Variants in PPP3CA observed in about 807,000 individuals in gnomAD.
PPP3CA encodes the protein CAM-PRP catalytic subunit.
PPP3CA carries 14 observed loss-of-function variants against 66.5 expected under a neutral mutation model. The observed-to-expected ratio is 0.21, with a 90% CI of 0.14 to 0.33. The LOEUF (loss-of-function observed/expected upper bound fraction) is 0.33, where lower values mean the gene tolerates loss of function less well. PPP3CA is among the 10% of genes least tolerant of loss of function. The probability of loss-of-function intolerance (pLI) is 1.00; values close to 1 mark genes in which losing one functional copy is unlikely to be tolerated. For missense variants in PPP3CA, 317 were observed against 639.5 expected, an observed-to-expected ratio of 0.50 and a Z score of 5.44; for synonymous variants, 232 against 226.2, an observed-to-expected ratio of 1.03 and a Z score of -0.23.
chr4:101,342,450 C>A (rs1578205879), intron 1 of PPP3CA, among the ~76,000 whole-genome samples: 1 of 152,026 alleles, frequency 6.6e-6, no homozygotes, highest in Non-Finnish European at 1.5e-5. Flanking sequence ...AATAAATAGA[C>A]CAACCTAACT....
intron 1 of PPP3CA, among the ~76,000 whole-genome samples, chr4:101,214,275 T>C (rs1463742363): frequency 6.8e-6 from 1 of 145,994 alleles, no homozygotes; most frequent in Non-Finnish European, 1.5e-5. Context: ...TATTTAATCC[T>C]ACTATGCCTG....
At chr4:101,131,911 C>T (rs1202333541) in intron 2 of PPP3CA, among the ~76,000 whole-genome samples, 1 of 152,178 alleles carries the variant, frequency 6.6e-6, no homozygotes, top group Non-Finnish European at 1.5e-5. Flanking sequence ...GTCTCTCAGA[C>T]CACAGTGCAA....
chr4:101,145,128 C>T (rs777256774), intron 2 of PPP3CA, among the ~76,000 whole-genome samples: 20 of 151,980 alleles, frequency 1.3e-4, no homozygotes, highest in East Asian at 5.8e-4. Context: ...GAAAACACTG[C>T]TCTATATATA....
At chr4:101,220,019 C>T (rs772851347) in intron 1 of PPP3CA, among the ~76,000 whole-genome samples, 17 of 151,862 alleles carry the variant, frequency 1.1e-4, no homozygotes, top group Middle Eastern at 3.4e-3. Context: ...GTTTCTTGCA[C>T]GCCATGTCAT....
intron 12 of PPP3CA, 69 bp from the exon 13 acceptor site, chr4:101,029,264 A>AAATC (rs1438199701): frequency 9.1e-6 from 13 of 1,424,164 alleles, no homozygotes; most frequent in Admixed American, 1.7e-5. Flanking sequence ...CTCTAAGAAC[A>AAATC]AATCAGTGAC....
intron 1 of PPP3CA, among the ~76,000 whole-genome samples, chr4:101,272,048 A>AT (rs1727353329): frequency 6.6e-6 from 1 of 152,158 alleles, no homozygotes; most frequent in African/African-American, 2.4e-5. Flanking sequence ...ACTTAGGCCT[A>AT]ATTTGCTTCA....
intron 2 of PPP3CA, among the ~76,000 whole-genome samples, chr4:101,133,537 T>C (rs1018084688): frequency 2.0e-5 from 3 of 151,964 alleles, no homozygotes; most frequent in African/African-American, 7.2e-5. Context: ...CCAACTTATA[T>C]GGGATGTGAA....
In PPP3CA at chr4:101,025,810, C is replaced by A. The variant is rs1726610933; in HGVS notation, c.*55G>T. 1.5e-6 allele frequency: 2 copies of A among 1,332,730 alleles called. No homozygotes were observed. Among genetic ancestry groups the A allele is most frequent in the East Asian group, 2.4e-5 (1 of 41,350 alleles). The allele number at this position is 1,332,730 out of a possible 1,614,324, so 82.6% of individuals were successfully genotyped here. On this transcript the variant is annotated 3_prime_UTR_variant, in exon 14 of 14. Coordinates refer to ENST00000394854, the MANE Select transcript of PPP3CA (RefSeq NM_000944.5). ...CTGATATGCAGCAATCCCCATCATGCCCCGCAGCTCAAAAAAAAAAAAAAA... is the reference window on the plus strand; with the variant it reads ...CTGATATGCAGCAATCCCCATCATGACCCGCAGCTCAAAAAAAAAAAAAAA...
At chr4:101,288,858 A>G (rs1727928136) in intron 1 of PPP3CA, among the ~76,000 whole-genome samples, 3 of 152,120 alleles carry the variant, frequency 2.0e-5, no homozygotes, top group Non-Finnish European at 4.4e-5. Context: ...AAACACACAC[A>G]CACATATACA....
At chr4:101,202,649 G>T (rs183612360) in intron 1 of PPP3CA, among the ~76,000 whole-genome samples, 96 of 152,286 alleles carry the variant, frequency 6.3e-4, no homozygotes, top group Admixed American at 3.3e-4. Context: ...GTGTTTGAAA[G>T]TCTTTCACTT....
intron 1 of PPP3CA, among the ~76,000 whole-genome samples, chr4:101,238,928 T>C (rs1726213383): frequency 6.6e-6 from 1 of 152,120 alleles, no homozygotes; most frequent in Admixed American, 6.6e-5. Context: ...ATCAAAAATC[T>C]AATGTAACCA....
chr4:101,290,421 C>T (rs1578634397), intron 1 of PPP3CA, among the ~76,000 whole-genome samples: 1 of 152,178 alleles, frequency 6.6e-6, no homozygotes, highest in Non-Finnish European at 1.5e-5. Flanking sequence ...TTTAACAACA[C>T]TTATCAGTAA....
chr4:101,282,383 A>T (rs1727713566), intron 1 of PPP3CA, among the ~76,000 whole-genome samples: 1 of 152,220 alleles, frequency 6.6e-6, no homozygotes, highest in South Asian at 2.1e-4. Flanking sequence ...CATGTTAGAT[A>T]CAGGTCCAGA....
intron 3 of PPP3CA, 85 bp downstream of exon 3, chr4:101,108,869 A>T (rs768064867): frequency 6.7e-6 from 9 of 1,334,270 alleles, no homozygotes; most frequent in Non-Finnish European, 9.4e-6. Flanking sequence ...AGGTTTCCAT[A>T]AGGCAATAAC....
At chr4:101,026,171 TCAGTGAAGAA>T in intron 13 of PPP3CA, 110 bp from the exon 14 acceptor site, 1 of 890,744 alleles carries the variant, frequency 1.1e-6, no homozygotes, top group South Asian at 1.8e-5. Flanking sequence ...AGGGAATCCT[TCAGTGAAGAA>T]CAAAGTGACG....
chr4:101,130,256 A>C (rs1408653600), intron 2 of PPP3CA, among the ~76,000 whole-genome samples: 1 of 152,198 alleles, frequency 6.6e-6, no homozygotes, highest in Non-Finnish European at 1.5e-5. Flanking sequence ...CAATGTGAAA[A>C]GACCAAACCT....
At chr4:101,306,697 C>T (rs1339934423) in intron 1 of PPP3CA, among the ~76,000 whole-genome samples, 2 of 152,184 alleles carry the variant, frequency 1.3e-5, no homozygotes, top group African/African-American at 2.4e-5. Context: ...AGATTTCATT[C>T]TCTTTGCTCT....
intron 1 of PPP3CA, among the ~76,000 whole-genome samples, chr4:101,205,475 T>A (rs139808415): frequency 1.3e-5 from 2 of 152,144 alleles, no homozygotes; most frequent in Non-Finnish European, 1.5e-5. Flanking sequence ...AGTTCTTTAA[T>A]CACTATAAAT....
In PPP3CA at chr4:101,205,354, G is replaced by A. The variant is rs1725097950; in HGVS notation, c.59-9238C>T. Among the ~76,000 whole-genome samples the A allele has an allele frequency of 2.0e-5, 3 of 152,060 alleles. No homozygotes were observed. In the South Asian group the frequency reaches 6.2e-4, roughly 32 times the overall value. Reference sequence around the variant, plus strand: ...TATTTATTTATAATTAAGCTCTGGGGTACATGAATCCAGGTACATTTTACC... The same window carrying A: ...TATTTATTTATAATTAAGCTCTGGGATACATGAATCCAGGTACATTTTACC... On this transcript the variant is annotated intron_variant, in intron 1 of 13. Transcript: ENST00000394854.
Sources: gnomAD v4.1 joint callset for allele counts (sites outside exome capture counted in the v4.1 genomes callset) on GRCh38, gnomAD v4.1.1 for gene constraint, MANE v1.5 for transcripts, NCBI Gene and HGNC (gene_info 2026-07-23, HGNC 2026-07-21) for gene names.